LETM2: variants seen among roughly 807,000 people sequenced by gnomAD.
LETM2 encodes LETM1 domain-containing protein LETM2, mitochondrial.
Under a neutral mutation model 59.6 loss-of-function variants are expected in LETM2, and 58 were observed. The observed-to-expected ratio is 0.97, with a 90% CI of 0.79 to 1.21. LETM2 has a LOEUF of 1.21. Ranked by LOEUF, LETM2 falls within the 50% of genes most tolerant of loss-of-function variation. LETM2 has a pLI of 0.00. For missense variants in LETM2, 572 were observed against 575.7 expected (o/e 0.99, Z 0.07); for synonymous variants, 199 against 214.1 (o/e 0.93, Z 0.62).
chr8:38,400,855 C>T lies in LETM2; in HGVS notation c.786C>T (p.Val262=), dbSNP rs1451040200. The part of the protein sequence containing the change: ...STQLSSYVKQ[V]QTGHKPSTKE... ...GGCCTTTTTGTCCCACTGCATAGGT[C>T]CAGACAGGCCACAAGCCCAGCACAA... is the stretch of plus-strand genomic sequence containing the variant. Residue 262 remains valine (V), a splice_region_variant and synonymous_variant, in exon 6 of 11, where the codon GTC becomes GTT. Transcript: ENST00000379957. 1 of 1,613,938 alleles carries T rather than the reference C, an allele frequency of 6.2e-7. No homozygotes were observed. Among genetic ancestry groups the T allele is most frequent in the Non-Finnish European group, 8.5e-7 (1 of 1,179,874 alleles).
chr8:38,402,491 A>G, intron 6 of LETM2, 34 bp from the exon 7 acceptor site: 2 of 1,606,814 alleles, frequency 1.2e-6, no homozygotes, highest in Admixed American at 1.7e-5. Context: ...ATTGGAATCA[A>G]AAGTTCCAAC....
chr8:38,397,258 C>A (rs1020815181), intron 4 of LETM2: 5 of 406,574 alleles, frequency 1.2e-5, no homozygotes, highest in African/African-American at 8.5e-5. Flanking sequence ...CTCACTGCAA[C>A]CTCCGCCTCC....
chr8:38,409,039 TA>T lies in LETM2; in HGVS notation c.*767del, dbSNP rs1364639197. 2 of 152,246 alleles carry T rather than the reference TA, an allele frequency of 1.3e-5. No homozygotes were observed. The highest frequency in any genetic ancestry group is 2.9e-5 in the Non-Finnish European group (2 of 68,052). The allele number at this position is 152,246 out of a possible 1,614,324, so 9.4% of individuals were successfully genotyped here. On this transcript the variant is annotated 3_prime_UTR_variant, in exon 11 of 11. Transcript: ENST00000379957. ...TTCTGGCCAGTTTGTCTTTCACAAATAAGACTATTAGTCATAGGGATTGTGA... is the reference window on the plus strand; with the variant it reads ...TTCTGGCCAGTTTGTCTTTCACAAATAGACTATTAGTCATAGGGATTGTGA...
At chr8:38,407,531 G>A in intron 10 of LETM2, 68 bp downstream of exon 10, 1 of 1,038,352 alleles carries the variant, frequency 9.6e-7, no homozygotes, top group Non-Finnish European at 1.5e-6. Context: ...TAAGGGCAGT[G>A]AGAATCTAGA....
At chr8:38,396,409 C>A (rs868623851) in intron 4 of LETM2, among the ~76,000 whole-genome samples, 1 of 152,050 alleles carries the variant, frequency 6.6e-6, no homozygotes, top group East Asian at 1.9e-4. Flanking sequence ...GGTGATCTGC[C>A]CACCTCAGTC....
chr8:38,384,554 G>A (rs1339294606), upstream of LETM2, among the ~76,000 whole-genome samples: 7 of 152,054 alleles, frequency 4.6e-5, no homozygotes, highest in African/African-American at 1.4e-4. Context: ...GAGTCATGGA[G>A]GAAAAAATAT....
intron 7 of LETM2, among the ~76,000 whole-genome samples, chr8:38,404,030 A>T (rs548297741): frequency 1.4e-4 from 21 of 152,132 alleles, no homozygotes; most frequent in African/African-American, 4.1e-4. Flanking sequence ...TAATTAGAAA[A>T]TTTTTTTGTA....
At chr8:38,407,610 T>C (rs904225029) in intron 10 of LETM2, 147 bp downstream of exon 10, 7 of 621,890 alleles carry the variant, frequency 1.1e-5, no homozygotes, top group South Asian at 2.1e-5. Flanking sequence ...GGCCAAACTT[T>C]AGTCATCTTG....
Position 38,398,997 on chromosome 8 carries a change from A to G in LETM2, c.646-1275A>G, listed in dbSNP as rs562367313. Among the ~76,000 whole-genome samples the G allele has an allele frequency of 1.1e-4, 17 of 151,938 alleles. No homozygotes were observed. In the East Asian group the frequency reaches 3.1e-3, roughly 28 times the overall value. ...CGGCCTCCCAAAGTGCTGGGATTAC[A>G]GGTGTGAGCCACCTCATCCGGCCAC... On this transcript the variant is annotated intron_variant, in intron 4 of 10. Coordinates refer to ENST00000379957, the MANE Select transcript of LETM2 (RefSeq NM_001286819.2).
At chr8:38,405,426 T>C (rs1253614486) in intron 8 of LETM2, among the ~76,000 whole-genome samples, 2 of 152,232 alleles carry the variant, frequency 1.3e-5, no homozygotes, top group African/African-American at 4.8e-5. Flanking sequence ...TAGAATATGC[T>C]ACACTGTGGT....
intron 10 of LETM2, 85 bp downstream of exon 10, chr8:38,407,548 C>A: frequency 1.1e-6 from 1 of 916,398 alleles, no homozygotes; most frequent in Non-Finnish European, 1.8e-6. Context: ...TAGAATTAGT[C>A]CTGTTGCAAA....
At chr8:38,394,503 G>A in intron 4 of LETM2, 1 of 300,654 alleles carries the variant, frequency 3.3e-6, no homozygotes, top group East Asian at 5.8e-5. Flanking sequence ...ATAATTTCAT[G>A]TATCCACCAT....
intron 2 of LETM2, among the ~76,000 whole-genome samples, chr8:38,391,131 T>C (rs2150414361): frequency 7.4e-6 from 1 of 136,016 alleles, no homozygotes; most frequent in African/African-American, 2.7e-5. Context: ...TGAGCCGTGA[T>C]CATGCCACTG....
In LETM2 at chr8:38,400,320, T is replaced by C; in HGVS notation, c.694T>C (p.Phe232Leu). 1.2e-6 allele frequency: 2 copies of C among 1,613,302 alleles called. No individual in the cohort carries two copies. Among genetic ancestry groups the C allele is most frequent in the Non-Finnish European group, 1.7e-6 (2 of 1,179,660 alleles). Residue 232 changes from phenylalanine (F) to leucine (L), a missense_variant, in exon 5 of 11, where the codon TTT becomes CTT. Coordinates refer to ENST00000379957, the MANE Select transcript of LETM2 (RefSeq NM_001286819.2). ...GGCTGTAAAGTTGGAACTAGCAAAA[T>C]TTCTTCAAGAAACCATGACAGAAAT... ...KMAVKLELAKFLQETMTEMAR... is the reference protein window; with the variant it reads ...KMAVKLELAKLLQETMTEMAR...
At position 38,395,641 on chromosome 8, in the gene LETM2, G is replaced by A. The variant is rs572302812; in HGVS notation, c.645+1400G>A. Among the ~76,000 whole-genome samples the A allele has an allele frequency of 5.3e-5, 8 of 151,764 alleles. No individual in the cohort carries two copies. In the South Asian group the frequency reaches 1.7e-3, roughly 32 times the overall value. ...AGTGATTCTCCTGCCTCAGCCTCCCGAGTAGCTAGAAATAGAGGTGTCCAC... is the reference window on the plus strand; with the variant it reads ...AGTGATTCTCCTGCCTCAGCCTCCCAAGTAGCTAGAAATAGAGGTGTCCAC... On this transcript the variant is annotated intron_variant, in intron 4 of 10. Coordinates refer to ENST00000379957, the MANE Select transcript of LETM2 (RefSeq NM_001286819.2).
At chr8:38,383,124 T>C (rs1369986790), upstream of LETM2, 6 of 152,192 alleles carry the variant, frequency 3.9e-5, no homozygotes, top group African/African-American at 1.4e-4. Context: ...CCGCGGCTGC[T>C]CGCGGCCAGA....
At chr8:38,400,823 T>C (rs749044077) in intron 5 of LETM2, 30 bp from the exon 6 acceptor site, 3 of 1,587,488 alleles carry the variant, frequency 1.9e-6, no homozygotes, top group Non-Finnish European at 2.6e-6. Context: ...GAAAACACAT[T>C]TTAATTGGCC....
In LETM2 at chr8:38,408,901, A is replaced by G. The variant is rs116939018; in HGVS notation, c.*627A>G. The G allele has an allele frequency of 0.026, 3,929 of 152,484 alleles. 95 individuals are homozygous for G. Among genetic ancestry groups the G allele is most frequent in the Non-Finnish European group, 0.036 (2,442 of 68,158 alleles). 9.4% of individuals were successfully genotyped at this position (152,484 alleles called of 1,614,324 possible). ...CTGCAGCAATCTGTGAGGCAGCCGC[A>G]ATCTGCGAGGCAGCCACTCTTCTAG... On this transcript the variant is annotated 3_prime_UTR_variant, in exon 11 of 11. Coordinates refer to ENST00000379957, the MANE Select transcript of LETM2 (RefSeq NM_001286819.2).
At chr8:38,395,141 T>G (rs1234186536) in intron 4 of LETM2, among the ~76,000 whole-genome samples, 1 of 152,232 alleles carries the variant, frequency 6.6e-6, no homozygotes, top group Non-Finnish European at 1.5e-5. Context: ...ACACCTCGAT[T>G]GCTTCCAGTT....
Sources: allele counts gnomAD v4.1 joint callset (sites outside exome capture counted in the v4.1 genomes callset), GRCh38; gene constraint gnomAD v4.1.1; transcripts MANE v1.5; gene names NCBI Gene and HGNC (gene_info 2026-07-23, HGNC 2026-07-21).